MCF2L2: variants seen among roughly 807,000 people sequenced by gnomAD.
MCF2L2 encodes the protein probable guanine nucleotide exchange factor MCF2L2.
MCF2L2 carries 102 observed loss-of-function variants against 150.2 expected under a neutral mutation model. The ratio of observed to expected loss-of-function variants is 0.68; its 90% CI spans 0.58 to 0.80. The LOEUF is 0.80. Among genes scored for constraint, MCF2L2 ranks in the 30% least tolerant of loss-of-function variants. The pLI is 0.00. For missense variants in MCF2L2, 1,256 were observed against 1,372.8 expected, an observed-to-expected ratio of 0.91 and a Z score of 1.34; for synonymous variants, 465 against 491.3, an observed-to-expected ratio of 0.95 and a Z score of 0.71.
intron 13 of MCF2L2, 122 bp downstream of exon 13, chr3:183,295,178 G>T: frequency 9.9e-7 from 1 of 1,006,052 alleles, no homozygotes; most frequent in Non-Finnish European, 1.5e-6. Context: ...TATATCTGTA[G>T]TTTGTTTTAA....
In MCF2L2 at chr3:183,204,083, T is replaced by C. The variant is rs117799555; in HGVS notation, c.2884+1793A>G. ...GATATCCACATGTAAAAAAAGGAACTTGGGCCCCTAATTCACATCATATAC... is the reference window on the plus strand; with the variant it reads ...GATATCCACATGTAAAAAAAGGAACCTGGGCCCCTAATTCACATCATATAC... On this transcript the variant is annotated intron_variant, in intron 25 of 29. Transcript: ENST00000328913. Among the ~76,000 whole-genome samples the C allele has an allele frequency of 3.5e-4, 54 of 152,286 alleles. No homozygotes were observed. The East Asian group carries it at 0.01, about 29-fold the overall frequency.
At chr3:183,263,648 G>A (rs1034365728) in intron 15 of MCF2L2, among the ~76,000 whole-genome samples, 1 of 151,936 alleles carries the variant, frequency 6.6e-6, no homozygotes, top group South Asian at 2.1e-4. Flanking sequence ...TACCCACCTG[G>A]ATCTCTCCAG....
Position 183,427,943 on chromosome 3 carries a change from T to A in MCF2L2, c.35A>T (p.Gln12Leu). The A allele has an allele frequency of 6.2e-7, 1 of 1,613,924 alleles. No homozygotes were observed. Among genetic ancestry groups the A allele is most frequent in the Non-Finnish European group, 8.5e-7 (1 of 1,179,898 alleles). ...LSCLKEEMPPQELTRRLATVI... is the reference protein window; with the variant it reads ...LSCLKEEMPPLELTRRLATVI... ...TGTGGCCAGTCGCCGGGTGAGCTCC[T>A]GGGGAGGCATCTCTTCTTTTAAGCA... The change falls in exon 1 of 30, where the codon CAG (glutamine) becomes CTG (leucine). Residue 12 changes from glutamine to leucine, a missense_variant. Coordinates refer to ENST00000328913, the MANE Select transcript of MCF2L2 (RefSeq NM_015078.4).
At chr3:183,219,995 A>G in intron 20 of MCF2L2, 71 bp from the exon 21 acceptor site, 1 of 1,104,762 alleles carries the variant, frequency 9.1e-7, no homozygotes, top group South Asian at 1.3e-5. Flanking sequence ...TGTCAACAAA[A>G]TCTACTGTGC....
At chr3:183,244,129 C>CA (rs1265434776) in intron 15 of MCF2L2, among the ~76,000 whole-genome samples, 15 of 143,902 alleles carry the variant, frequency 1.0e-4, no homozygotes, top group African/African-American at 3.1e-4. Context: ...AGCTCAAAAA[C>CA]AAAAAAAAAG....
chr3:183,292,556 T>TACAC (rs58788215), intron 13 of MCF2L2, among the ~76,000 whole-genome samples: 1,725 of 145,548 alleles, frequency 0.012, 17 homozygotes, highest in African/African-American at 0.024. Context: ...AGGGGGTATG[T>TACAC]ACACACACAC....
At chr3:183,368,793 C>G (rs1712689073) in intron 3 of MCF2L2, among the ~76,000 whole-genome samples, 1 of 152,124 alleles carries the variant, frequency 6.6e-6, no homozygotes, top group Non-Finnish European at 1.5e-5. Context: ...TTTTTCCTCT[C>G]TGGTTCTTTA....
At chr3:183,215,370 CATACAGTT>C (rs66944991) in intron 22 of MCF2L2, among the ~76,000 whole-genome samples, 46,506 of 151,644 alleles carry the variant, frequency 0.31, 8,004 homozygotes, top group Middle Eastern at 0.43. Context: ...TCAAAGAGAT[CATACAGTT>C]ATAGGGGATG....
chr3:183,189,040 A>G (rs1196160018), intron 27 of MCF2L2, among the ~76,000 whole-genome samples: 4 of 152,212 alleles, frequency 2.6e-5, no homozygotes, highest in African/African-American at 7.2e-5. Flanking sequence ...GGTAAAATCA[A>G]CTTGTCTTCT....
intron 15 of MCF2L2, among the ~76,000 whole-genome samples, chr3:183,246,873 T>C (rs1008425357): frequency 2.0e-5 from 3 of 152,134 alleles, no homozygotes; most frequent in Admixed American, 2.0e-4. Context: ...TAAAAAAACG[T>C]AATAGCTAAC....
chr3:183,409,745 G>A (rs759658018), intron 1 of MCF2L2, among the ~76,000 whole-genome samples: 7 of 151,860 alleles, frequency 4.6e-5, no homozygotes, highest in Non-Finnish European at 1.0e-4. Flanking sequence ...TAGTAGAGGC[G>A]AGGTTTCACC....
At chr3:183,276,829 C>A in intron 15 of MCF2L2, 43 bp downstream of exon 15, 1 of 1,433,330 alleles carries the variant, frequency 7.0e-7, no homozygotes, top group South Asian at 1.2e-5. Context: ...CACCCATGCC[C>A]CGCACCCCCT....
At chr3:183,339,674 G>A (rs923837704) in intron 4 of MCF2L2, among the ~76,000 whole-genome samples, 7 of 152,092 alleles carry the variant, frequency 4.6e-5, no homozygotes, top group South Asian at 2.1e-4. Context: ...GTAATGCTTC[G>A]GGGCAGACTT....
chr3:183,297,042 C>T lies in MCF2L2; in HGVS notation c.1431G>A (p.Glu477=). The part of the protein sequence containing the change: ...DIATFLGTVK[E]YPLLSPKEFY... ...ACTCCTTGGGGCTGAGCAACGGGTA[C>T]TCCTTGACTGTGCCCAGGAATGTCG... Residue 477 remains glutamate, a synonymous_variant, in exon 12 of 30, where the codon GAG becomes GAA. Transcript: ENST00000328913. 6.2e-7 allele frequency: 1 copy of T among 1,614,186 alleles called. No individual in the cohort carries two copies. The highest frequency in any genetic ancestry group is 8.5e-7 in the Non-Finnish European group (1 of 1,180,028).
Position 183,389,759 on chromosome 3 carries a change from C to CT in MCF2L2, c.96dup (p.Val33SerfsTer46). 1 of 1,614,128 alleles carries CT rather than the reference C, an allele frequency of 6.2e-7. No individual in the cohort carries two copies. Among genetic ancestry groups the CT allele is most frequent in the Non-Finnish European group, 8.5e-7 (1 of 1,179,952 alleles). ...ATCTCCACCGCCATCAGGGGTCTGACTTCCTGCTGCATAATTTCATCTGCA... is the reference window on the plus strand; with the variant it reads ...ATCTCCACCGCCATCAGGGGTCTGACTTTCCTGCTGCATAATTTCATCTGCA... On this transcript the variant is annotated frameshift_variant, in exon 2 of 30. Coordinates refer to ENST00000328913, the MANE Select transcript of MCF2L2 (RefSeq NM_015078.4). LOFTEE classifies it high-confidence loss of function.
intron 15 of MCF2L2, among the ~76,000 whole-genome samples, chr3:183,268,499 G>A (rs1457317134): frequency 6.6e-6 from 1 of 151,594 alleles, no homozygotes; most frequent in Non-Finnish European, 1.5e-5. Flanking sequence ...AATAATGGAA[G>A]TGGAGAAAAT....
At chr3:183,201,425 T>C (rs867724882) in intron 25 of MCF2L2, among the ~76,000 whole-genome samples, 14 of 152,316 alleles carry the variant, frequency 9.2e-5, no homozygotes, top group African/African-American at 2.9e-4. Flanking sequence ...TGGCTCTCTG[T>C]TTGTCTGTTA....
chr3:183,376,017 A>G (rs1475895390), intron 3 of MCF2L2: 2 of 152,232 alleles, frequency 1.3e-5, no homozygotes, highest in Non-Finnish European at 2.9e-5. Context: ...AAGTAGTGTG[A>G]GCAAAAGCGG....
intron 3 of MCF2L2, chr3:183,372,092 C>A (rs1296426024): frequency 6.6e-6 from 1 of 151,784 alleles, no homozygotes. Context: ...ATGCACTTCC[C>A]AGCTTCACTA....
Sources: allele counts gnomAD v4.1 joint callset (sites outside exome capture counted in the v4.1 genomes callset), GRCh38; gene constraint gnomAD v4.1.1; transcripts MANE v1.5; gene names NCBI Gene and HGNC (gene_info 2026-07-23, HGNC 2026-07-21).